SORL1-AS1: variants seen among roughly 807,000 people sequenced by gnomAD.
SORL1-AS1 encodes the protein SORL1 antisense RNA 1.
intron 1 of SORL1-AS1, among the ~76,000 whole-genome samples, chr11:121,451,101 G>C (rs912763700): frequency 3.3e-5 from 5 of 152,176 alleles, no homozygotes; most frequent in Non-Finnish European, 7.3e-5. Flanking sequence ...CAGCTTGTAT[G>C]CAACTATAAA....
chr11:121,442,349 T>C (rs1385085112), downstream of SORL1-AS1, among the ~76,000 whole-genome samples: 5 of 152,076 alleles, frequency 3.3e-5, no homozygotes, highest in East Asian at 1.9e-4. Flanking sequence ...TAAGACTCAA[T>C]TGGGGCTGGG....
Position 121,452,611 on chromosome 11 carries a change from G to A in SORL1-AS1, n.339+64C>T. 10 of 1,496,206 alleles carry A rather than the reference G, an allele frequency of 6.7e-6. No individual in the cohort carries two copies. Among genetic ancestry groups the A allele is most frequent in the Non-Finnish European group, 8.9e-6 (10 of 1,128,632 alleles). 92.7% of individuals were successfully genotyped at this position (1,496,206 alleles called of 1,614,324 possible). ...GCAGCCCGAGCCCATCAAGGTGTACGGACAGGTGAGCAGTTTTGCAACCCG... is the reference window on the plus strand; with the variant it reads ...GCAGCCCGAGCCCATCAAGGTGTACAGACAGGTGAGCAGTTTTGCAACCCG... On this transcript the variant is annotated intron_variant and non_coding_transcript_variant, in intron 1 of 1. Transcript: ENST00000501964. The surrounding 1 kb of genome is among the most constrained non-coding windows in gnomAD (Gnocchi z 5.3).
At chr11:121,439,394 G>A in the SORL1-AS1 span, among the ~76,000 whole-genome samples, 1 of 151,350 alleles carries the variant, frequency 6.6e-6, no homozygotes, top group Non-Finnish European at 1.5e-5. Context: ...GGTGTTTATC[G>A]AAGTCTTCTG....
chr11:121,442,468 C>T (rs1030188567), downstream of SORL1-AS1, among the ~76,000 whole-genome samples: 1 of 151,666 alleles, frequency 6.6e-6, no homozygotes, highest in Non-Finnish European at 1.5e-5. Context: ...AACCCCTTCT[C>T]TACTAAAAAT....
chr11:121,452,716 C>G lies in SORL1-AS1; in HGVS notation n.298G>C. The stretch of plus-strand genomic sequence containing the variant: ...TGCAGTCGCCTCCTAGGTGCAGGCA[C>G]CACTGGGGACTTCCCGGCTTGCATT... On this transcript the variant is annotated non_coding_transcript_exon_variant, in exon 1 of 2. Transcript: ENST00000501964. The surrounding 1 kb of genome is among the most constrained non-coding windows in gnomAD (Gnocchi z 5.3). The G allele has an allele frequency of 2.9e-6, 3 of 1,048,020 alleles. No homozygotes were observed. The highest frequency in any genetic ancestry group is 3.8e-6 in the Non-Finnish European group (3 of 781,776). 64.9% of individuals were successfully genotyped at this position (1,048,020 alleles called of 1,614,324 possible). A position where few individuals can be genotyped will look rare whatever the true frequency, so the allele number is the denominator to read the frequency against.
rs761865673 is a variant in SORL1-AS1 at position 121,452,491 on chromosome 11, G to C, written n.339+184C>G. On this transcript the variant is annotated intron_variant and non_coding_transcript_variant, in intron 1 of 1. Transcript: ENST00000501964. This position sits in a 1 kb window ranked among gnomAD's most constrained non-coding sequence, Gnocchi z 5.3. ...CCGGGGCTTCCTCGTGGTGCAGGGC[G>C]ACCCGCGCGAGCTGCGGCTGTGGGC... 19 of 1,485,374 alleles carry C rather than the reference G, an allele frequency of 1.3e-5. No individual in the cohort carries two copies. The highest frequency in any genetic ancestry group is 2.4e-5 in the Admixed American group (1 of 42,506). 92.0% of individuals were successfully genotyped at this position (1,485,374 alleles called of 1,614,324 possible). A position where few individuals can be genotyped will look rare whatever the true frequency, so the allele number is the denominator to read the frequency against.
chr11:121,444,420 C>T (rs776705686), downstream of SORL1-AS1, among the ~76,000 whole-genome samples: 13 of 152,168 alleles, frequency 8.5e-5, no homozygotes, highest in Non-Finnish European at 1.3e-4. Context: ...TATTTACTTA[C>T]GGATGAAGAA....
At position 121,452,562 on chromosome 11, in the gene SORL1-AS1, C is replaced by A; in HGVS notation, n.339+113G>T. On this transcript the variant is annotated intron_variant and non_coding_transcript_variant, in intron 1 of 1. Coordinates refer to ENST00000501964, the Ensembl canonical transcript of SORL1-AS1. This position sits in a 1 kb window ranked among gnomAD's most constrained non-coding sequence, Gnocchi z 5.3. ...CGAGCCGCGCGGACGAGAAGCCGCT[C>A]CGGAGGAAACGGAGCGCTGCCCTGC... The A allele has an allele frequency of 6.6e-7, 1 of 1,514,902 alleles. No individual in the cohort carries two copies. The highest frequency in any genetic ancestry group is 8.8e-7 in the Non-Finnish European group (1 of 1,138,778). 93.8% of individuals were successfully genotyped at this position (1,514,902 alleles called of 1,614,324 possible). A position where few individuals can be genotyped will look rare whatever the true frequency, so the allele number is the denominator to read the frequency against.
downstream of SORL1-AS1, among the ~76,000 whole-genome samples, chr11:121,443,787 G>A (rs1031704412): frequency 2.6e-5 from 4 of 152,212 alleles, no homozygotes; most frequent in African/African-American, 4.8e-5. Flanking sequence ...GGTGAAATTA[G>A]CGCTGCTCAA....
At chr11:121,443,071 T>C (rs1052227215), downstream of SORL1-AS1, among the ~76,000 whole-genome samples, 1 of 152,072 alleles carries the variant, frequency 6.6e-6, no homozygotes, top group Non-Finnish European at 1.5e-5. Context: ...AAAGAGTGTC[T>C]ATAAAACATT....
At chr11:121,447,019 C>G (rs1022826073), downstream of SORL1-AS1, among the ~76,000 whole-genome samples, 1 of 152,196 alleles carries the variant, frequency 6.6e-6, no homozygotes, top group Admixed American at 6.5e-5. Flanking sequence ...CGGGGATATT[C>G]AAATAATCTT....
At chr11:121,446,349 C>A (rs977342056), downstream of SORL1-AS1, among the ~76,000 whole-genome samples, 6 of 152,098 alleles carry the variant, frequency 3.9e-5, no homozygotes, top group Non-Finnish European at 7.3e-5. Flanking sequence ...AGGAAGAGGT[C>A]AAGAAGTGGC....
chr11:121,442,220 C>T, the SORL1-AS1 span, among the ~76,000 whole-genome samples: 1 of 152,194 alleles, frequency 6.6e-6, no homozygotes. Flanking sequence ...TTGCACCTTA[C>T]TTGAATGTGC....
At chr11:121,438,537 TC>T in the SORL1-AS1 span, among the ~76,000 whole-genome samples, 2 of 151,640 alleles carry the variant, frequency 1.3e-5, no homozygotes, top group African/African-American at 4.8e-5. Flanking sequence ...ATAAGTGGAG[TC>T]GTTCATTGTG....
chr11:121,452,532 G>A lies in SORL1-AS1; in HGVS notation n.339+143C>T, dbSNP rs556756459. The A allele has an allele frequency of 5.0e-5, 74 of 1,488,326 alleles. No homozygotes were observed. The highest frequency in any genetic ancestry group is 6.1e-5 in the Non-Finnish European group (69 of 1,124,636). 92.2% of individuals were successfully genotyped at this position (1,488,326 alleles called of 1,614,324 possible). A position where few individuals can be genotyped will look rare whatever the true frequency, so the allele number is the denominator to read the frequency against. On this transcript the variant is annotated intron_variant and non_coding_transcript_variant, in intron 1 of 1. Coordinates refer to ENST00000501964, the Ensembl canonical transcript of SORL1-AS1. The surrounding 1 kb of genome is among the most constrained non-coding windows in gnomAD (Gnocchi z 5.3). ...GGCTGTGGGCGCGCGGGGATGCCAGGGGGGCGAGCCGCGCGGACGAGAAGC... is the reference window on the plus strand; with the variant it reads ...GGCTGTGGGCGCGCGGGGATGCCAGAGGGGCGAGCCGCGCGGACGAGAAGC...
At chr11:121,438,777 C>T in the SORL1-AS1 span, among the ~76,000 whole-genome samples, 1 of 152,218 alleles carries the variant, frequency 6.6e-6, no homozygotes, top group Non-Finnish European at 1.5e-5. Flanking sequence ...CCTGTAATCC[C>T]AGCACTTTGG....
chr11:121,451,827 G>A (rs1860797317), intron 1 of SORL1-AS1, among the ~76,000 whole-genome samples: 1 of 152,210 alleles, frequency 6.6e-6, no homozygotes, highest in Non-Finnish European at 1.5e-5. Flanking sequence ...GTGGGGATGA[G>A]GCCGGGGCCG....
chr11:121,442,693 T>A (rs374668873), downstream of SORL1-AS1, among the ~76,000 whole-genome samples: 62 of 116,770 alleles, frequency 5.3e-4, no homozygotes, highest in South Asian at 9.9e-4. Flanking sequence ...TTATTTATTT[T>A]TTTGAGATGG....
At chr11:121,446,996 A>G (rs190724318), downstream of SORL1-AS1, among the ~76,000 whole-genome samples, 118 of 152,308 alleles carry the variant, frequency 7.7e-4, no homozygotes, top group African/African-American at 2.6e-3. Context: ...ACAAGCCTTG[A>G]TATGTAATTA....
Sources: gnomAD v4.1 joint callset for allele counts (sites outside exome capture counted in the v4.1 genomes callset) on GRCh38, gnomAD v4.1.1 for gene constraint, Gnocchi (gnomAD v3.1) non-coding constraint, MANE v1.5 for transcripts, NCBI Gene and HGNC (gene_info 2026-07-23, HGNC 2026-07-21) for gene names.